Variants in RYR2 observed in about 807,000 individuals in gnomAD.
RYR2 encodes cardiac muscle ryanodine receptor-calcium release channel.
In RYR2, 227 loss-of-function variants were observed where a neutral mutation model predicts 601.1. The observed-to-expected ratio is 0.38, with a 90% CI of 0.34 to 0.42. The LOEUF is 0.42. RYR2 is among the 10% of genes least tolerant of loss of function. The probability of loss-of-function intolerance (pLI) is 1.00; values close to 1 mark genes in which losing one functional copy is unlikely to be tolerated. For synonymous variants in RYR2, 2,223 were observed against 2,175.1 expected, an observed-to-expected ratio of 1.02 and a Z score of -0.61; for missense variants, 4,646 against 6,156.5, an observed-to-expected ratio of 0.75 and a Z score of 8.21.
intron 98 of RYR2, among the ~76,000 whole-genome samples, chr1:237,804,319 G>C (rs368649785): frequency 2.0e-5 from 3 of 151,272 alleles, no homozygotes; most frequent in African/African-American, 7.3e-5. Context: ...TTACCTCAGT[G>C]TGCTTTTTAA....
At position 237,569,197 on chromosome 1, in the gene RYR2, G is replaced by A; in HGVS notation, c.3476G>A (p.Gly1159Asp). The change falls in exon 29 of 105, where the codon GGC becomes GAC. Residue 1159 changes from glycine to aspartate, a missense_variant. Gly to Asp is a moderately conservative substitution (Grantham distance 94, BLOSUM62 -1). This residue lies in a region of RYR2 where 1,807 missense variants were observed against 2,088.1 expected (regional missense o/e 0.87). Coordinates refer to ENST00000366574, the MANE Select transcript of RYR2 (RefSeq NM_001035.3). ...CACTATGGGCGCTCTTGGCAAGCAG[G>A]CGATGTCGTGGGGTGTATGGTTGAC... ...NEHYGRSWQA[G>D]DVVGCMVDMN... 1.2e-6 allele frequency: 2 copies of A among 1,613,926 alleles called. No homozygotes were observed. Among genetic ancestry groups the A allele is most frequent in the Non-Finnish European group, 1.7e-6 (2 of 1,179,866 alleles).
intron 1 of RYR2, among the ~76,000 whole-genome samples, chr1:237,049,506 G>T (rs1660988612): frequency 1.3e-5 from 2 of 152,144 alleles, no homozygotes; most frequent in South Asian, 2.1e-4. Context: ...AATTTCCATT[G>T]TCATGTTCGT....
chr1:237,497,251 G>A (rs193231684), intron 20 of RYR2, among the ~76,000 whole-genome samples: 2,268 of 152,208 alleles, frequency 0.015, 29 homozygotes, highest in Non-Finnish European at 0.016. Flanking sequence ...GTGGTATGAG[G>A]ACTCAGATCA....
Position 237,626,753 on chromosome 1 carries a change from T to C in RYR2, c.6166+949T>C, listed in dbSNP as rs536615743. Among the ~76,000 whole-genome samples the C allele has an allele frequency of 8.8e-4, 134 of 151,988 alleles. 2 individuals carry two copies. The highest frequency in any genetic ancestry group is 6.8e-3 in the Middle Eastern group (2 of 294). The stretch of plus-strand genomic sequence containing the variant: ...GACGCCTGATTAGTTTTTATATTTT[T>C]AGTAGAGACTGAGTTTTACCATGAT... On this transcript the variant is annotated intron_variant, in intron 40 of 104. Transcript: ENST00000366574.
chr1:237,668,550 C>T (rs575508790), intron 58 of RYR2, among the ~76,000 whole-genome samples: 4 of 152,292 alleles, frequency 2.6e-5, no homozygotes, highest in South Asian at 4.1e-4. Flanking sequence ...TGTGTGTGTG[C>T]GCGCATATGC....
Position 237,614,892 on chromosome 1 carries a change from A to C in RYR2, c.5715+49A>C, listed in dbSNP as rs1348883848. On this transcript the variant is annotated intron_variant, in intron 37 of 104. Coordinates refer to ENST00000366574, the MANE Select transcript of RYR2 (RefSeq NM_001035.3). The surrounding 1 kb of genome is among the most constrained non-coding windows in gnomAD (Gnocchi z 4.3). ...TGAATTTCAGAATTGCTAAGCATTAAGGTATTAGAACATGCCTTTGTTTCT... is the reference window on the plus strand; with the variant it reads ...TGAATTTCAGAATTGCTAAGCATTACGGTATTAGAACATGCCTTTGTTTCT... The C allele has an allele frequency of 2.0e-6, 3 of 1,503,866 alleles. No individual in the cohort carries two copies. The highest frequency in any genetic ancestry group is 1.4e-5 in the African/African-American group (1 of 71,516). 93.2% of individuals were successfully genotyped at this position (1,503,866 alleles called of 1,614,324 possible).
At chr1:237,198,230 G>A (rs1301090101) in intron 1 of RYR2, among the ~76,000 whole-genome samples, 1 of 152,162 alleles carries the variant, frequency 6.6e-6, no homozygotes, top group Non-Finnish European at 1.5e-5. Flanking sequence ...CTTGTTCTCA[G>A]CTGTGATAAA....
intron 8 of RYR2, among the ~76,000 whole-genome samples, chr1:237,378,283 C>A (rs529267817): frequency 6.6e-6 from 1 of 152,208 alleles, no homozygotes. Flanking sequence ...GGTGGGGACA[C>A]AGCCGAACCA....
chr1:237,579,584 G>A (rs1465446477), intron 29 of RYR2, among the ~76,000 whole-genome samples: 1 of 151,760 alleles, frequency 6.6e-6, no homozygotes, highest in Non-Finnish European at 1.5e-5. Flanking sequence ...ACACTCATAG[G>A]GCAAATTTCC....
intron 102 of RYR2, 48 bp downstream of exon 102, chr1:237,828,493 C>T: frequency 8.1e-7 from 1 of 1,236,404 alleles, no homozygotes; most frequent in Non-Finnish European, 1.1e-6. Flanking sequence ...CCTGGGCCCT[C>T]GTTTTCCTCA....
chr1:237,443,682 A>G (rs1214395116), intron 13 of RYR2, among the ~76,000 whole-genome samples: 2 of 152,192 alleles, frequency 1.3e-5, no homozygotes, highest in African/African-American at 4.8e-5. Flanking sequence ...TTTGAATTTC[A>G]TACAATCTTT....
intron 27 of RYR2, among the ~76,000 whole-genome samples, chr1:237,562,625 C>G (rs1671570728): frequency 6.6e-6 from 1 of 152,104 alleles, no homozygotes; most frequent in South Asian, 2.1e-4. Context: ...TACCAACAGA[C>G]TTGATAATGT....
intron 1 of RYR2, among the ~76,000 whole-genome samples, chr1:237,158,864 A>G (rs1190678799): frequency 6.6e-6 from 1 of 152,158 alleles, no homozygotes; most frequent in African/African-American, 2.4e-5. Context: ...GTGTTTATGC[A>G]AAATGCTGCA....
chr1:237,149,876 C>T (rs374780231), intron 1 of RYR2, among the ~76,000 whole-genome samples: 54 of 152,292 alleles, frequency 3.5e-4, no homozygotes, highest in Middle Eastern at 3.4e-3. Context: ...TTTTCAAATA[C>T]ATGAGCCGTT....
chr1:237,648,405 A>G (rs751811335), intron 48 of RYR2, 39 bp from the exon 49 acceptor site: 1 of 1,545,978 alleles, frequency 6.5e-7, no homozygotes, highest in East Asian at 2.3e-5. Context: ...CCTGTATATG[A>G]CACAGCCATT....
intron 19 of RYR2, among the ~76,000 whole-genome samples, chr1:237,493,715 A>G (rs549111111): frequency 2.2e-4 from 33 of 152,202 alleles, no homozygotes; most frequent in African/African-American, 4.6e-4. Flanking sequence ...GCCTCCCAAA[A>G]TGCTGGGATT....
intron 32 of RYR2, among the ~76,000 whole-genome samples, chr1:237,592,202 G>T (rs535140976): frequency 6.6e-6 from 1 of 152,088 alleles, no homozygotes; most frequent in African/African-American, 2.4e-5. Context: ...TTTGTGAGAG[G>T]TCAAGCTTTG....
intron 80 of RYR2, chr1:237,755,150 T>G (rs1210842055): frequency 8.0e-7 from 1 of 1,244,892 alleles, no homozygotes; most frequent in Admixed American, 2.6e-5. Context: ...TGGTTGCTTT[T>G]GATTTAAAGG....
At chr1:237,611,870 C>A (rs2148580581) in intron 36 of RYR2, among the ~76,000 whole-genome samples, 1 of 152,084 alleles carries the variant, frequency 6.6e-6, no homozygotes, top group East Asian at 1.9e-4. Flanking sequence ...TTTGTCAGTT[C>A]CTCAAAAAAT....
Sources: gnomAD v4.1 joint callset for allele counts (sites outside exome capture counted in the v4.1 genomes callset) on GRCh38, gnomAD v4.1.1 for gene constraint, gnomAD v4.1.1 regional missense constraint, Gnocchi (gnomAD v3.1) non-coding constraint, MANE v1.5 for transcripts, NCBI Gene and HGNC (gene_info 2026-07-23, HGNC 2026-07-21) for gene names.